Variants in SLC25A13 observed in about 807,000 individuals in gnomAD.
SLC25A13 encodes solute carrier family 25 member 13.
A neutral mutation model predicts 85.5 loss-of-function variants in SLC25A13; 70 were observed. That is an observed-to-expected ratio of 0.82 (90% CI 0.68 to 1.00). The LOEUF (loss-of-function observed/expected upper bound fraction) is 1.00. SLC25A13 is among the 50% of genes least tolerant of loss of function. The pLI is 0.00. For synonymous variants in SLC25A13, 259 were observed against 288.7 expected, an observed-to-expected ratio of 0.90 and a Z score of 1.04; for missense variants, 765 against 819.8, an observed-to-expected ratio of 0.93 and a Z score of 0.82.
At chr7:96,234,662 T>G in intron 4 of SLC25A13, 140 bp downstream of exon 4, 1 of 641,400 alleles carries the variant, frequency 1.6e-6, no homozygotes, top group Non-Finnish European at 2.7e-6. Context: ...TCCAAAACAT[T>G]GAAGTATCTT....
chr7:96,155,211 C>T (rs1351575427), intron 13 of SLC25A13, among the ~76,000 whole-genome samples: 1 of 152,162 alleles, frequency 6.6e-6, no homozygotes, highest in Non-Finnish European at 1.5e-5. Context: ...TGAAAGTACA[C>T]TTGCGGAGGG....
intron 15 of SLC25A13, 26 bp downstream of exon 15, chr7:96,131,717 A>T (rs1437724720): frequency 1.2e-6 from 2 of 1,613,476 alleles, no homozygotes; most frequent in Non-Finnish European, 1.7e-6. Flanking sequence ...TCAGGGAAGT[A>T]AGAGAACTCC....
intron 1 of SLC25A13, among the ~76,000 whole-genome samples, 195 bp downstream of exon 1, chr7:96,321,747 G>A (rs568616572): frequency 6.8e-4 from 103 of 152,316 alleles, no homozygotes; most frequent in African/African-American, 2.4e-3. Context: ...GTCGGGCCTC[G>A]GTCTCTGCAC....
chr7:96,253,180 G>A (rs968736107), intron 3 of SLC25A13, among the ~76,000 whole-genome samples: 1 of 152,136 alleles, frequency 6.6e-6, no homozygotes, highest in African/African-American at 2.4e-5. Flanking sequence ...AAGAGAAATG[G>A]GGCAGAATCT....
intron 2 of SLC25A13, among the ~76,000 whole-genome samples, chr7:96,289,504 C>G (rs1017395110): frequency 6.6e-6 from 1 of 152,022 alleles, no homozygotes; most frequent in Non-Finnish European, 1.5e-5. Context: ...AAGCTAAAAA[C>G]CTTGAAAAAA....
At chr7:96,276,390 G>A (rs752858501) in intron 3 of SLC25A13, among the ~76,000 whole-genome samples, 15 of 152,198 alleles carry the variant, frequency 9.9e-5, no homozygotes, top group Non-Finnish European at 1.8e-4. Flanking sequence ...GGGAGGTAGA[G>A]GCAAGCGGAT....
intron 3 of SLC25A13, among the ~76,000 whole-genome samples, chr7:96,257,414 C>T (rs1321286104): frequency 1.3e-5 from 2 of 152,124 alleles, no homozygotes; most frequent in Admixed American, 6.6e-5. Context: ...ATACAAACTA[C>T]CATCAGAGAA....
chr7:96,282,961 T>C (rs1256190685), intron 2 of SLC25A13, among the ~76,000 whole-genome samples: 2 of 152,194 alleles, frequency 1.3e-5, no homozygotes, highest in African/African-American at 4.8e-5. Context: ...CAAAAACTCA[T>C]AATAATCTGA....
chr7:96,130,017 T>A (rs1195022114), intron 15 of SLC25A13, among the ~76,000 whole-genome samples: 1 of 152,260 alleles, frequency 6.6e-6, no homozygotes, highest in Non-Finnish European at 1.5e-5. Context: ...ATTTTTGTTA[T>A]TTGCCTGTTC....
chr7:96,287,032 C>T (rs912740240), intron 2 of SLC25A13, among the ~76,000 whole-genome samples: 9 of 152,208 alleles, frequency 5.9e-5, no homozygotes, highest in African/African-American at 2.2e-4. Context: ...AAAGTCAAGT[C>T]AGGAAAAAGT....
At position 96,130,721 on chromosome 7, in the gene SLC25A13, C is replaced by G. The variant is rs144397606; in HGVS notation, c.1591+1022G>C. ...TACTCAACTCCTGAAATCATGATCT[C>G]TTGCTCTAGATACAGTGGTATCACT... On this transcript the variant is annotated intron_variant, in intron 15 of 17. Coordinates refer to ENST00000265631, the MANE Select transcript of SLC25A13 (RefSeq NM_014251.3). 7.9e-5 allele frequency among the ~76,000 whole-genome samples: 12 copies of G among 152,318 alleles called. No homozygotes were observed. The East Asian group carries it at 2.3e-3, about 29-fold the overall frequency.
chr7:96,184,762 GAA>G (rs1303948735), intron 10 of SLC25A13, among the ~76,000 whole-genome samples, 163 bp downstream of exon 10: 2 of 152,234 alleles, frequency 1.3e-5, no homozygotes, highest in Non-Finnish European at 2.9e-5. Flanking sequence ...GCAGGTATGG[GAA>G]AAGAGTTCCC....
chr7:96,164,680 A>T (rs1467618039), intron 13 of SLC25A13, among the ~76,000 whole-genome samples: 1 of 148,674 alleles, frequency 6.7e-6, no homozygotes, highest in Admixed American at 6.8e-5. Context: ...TTTTTACTAC[A>T]AATGGCTATG....
chr7:96,150,764 C>G (rs930080926), intron 13 of SLC25A13, among the ~76,000 whole-genome samples: 1 of 152,076 alleles, frequency 6.6e-6, no homozygotes, highest in East Asian at 1.9e-4. Context: ...TGATCTTGAA[C>G]TTTCAGATTC....
chr7:96,261,548 T>C (rs1797851642), intron 3 of SLC25A13, among the ~76,000 whole-genome samples: 1 of 152,154 alleles, frequency 6.6e-6, no homozygotes, highest in African/African-American at 2.4e-5. Flanking sequence ...TCTCAAAACC[T>C]TTACATCAGA....
intron 2 of SLC25A13, among the ~76,000 whole-genome samples, chr7:96,277,952 A>G (rs897334035): frequency 2.0e-5 from 3 of 152,190 alleles, no homozygotes; most frequent in Non-Finnish European, 2.9e-5. Context: ...ATCTTGGGCA[A>G]TCTTATGGAG....
intron 3 of SLC25A13, among the ~76,000 whole-genome samples, chr7:96,276,648 AC>A (rs1378818209): frequency 6.6e-6 from 1 of 152,140 alleles, no homozygotes; most frequent in Non-Finnish European, 1.5e-5. Context: ...AAAAGTTCCA[AC>A]AAAATGGAAG....
intron 4 of SLC25A13, chr7:96,219,764 C>T (rs772574029): frequency 1.9e-6 from 1 of 533,992 alleles, no homozygotes; most frequent in South Asian, 1.4e-5. Context: ...AGACTCCCTC[C>T]TCCTCTATAA....
At chr7:96,286,215 G>A (rs1484041957) in intron 2 of SLC25A13, among the ~76,000 whole-genome samples, 1 of 151,266 alleles carries the variant, frequency 6.6e-6, no homozygotes, top group African/African-American at 2.4e-5. Flanking sequence ...ACCTGGGGAG[G>A]CAGAGCTTGC....
Sources: gnomAD v4.1 joint callset for allele counts (sites outside exome capture counted in the v4.1 genomes callset) on GRCh38, gnomAD v4.1.1 for gene constraint, MANE v1.5 for transcripts, NCBI Gene and HGNC (gene_info 2026-07-23, HGNC 2026-07-21) for gene names.